Variants in CCNDBP1 observed in about 807,000 individuals in gnomAD.
CCNDBP1 encodes the protein cyclin D1 binding protein 1.
In CCNDBP1, 45 loss-of-function variants were observed where a neutral mutation model predicts 46.2. The ratio of observed to expected loss-of-function variants is 0.97; its 90% confidence interval spans 0.77 to 1.25. The LOEUF (loss-of-function observed/expected upper bound fraction) is 1.25. Among genes scored for constraint, CCNDBP1 ranks in the 50% most tolerant of loss-of-function variants. CCNDBP1 has a pLI of 0.00. For synonymous variants in CCNDBP1, 154 were observed against 163.6 expected (o/e 0.94, Z 0.45); for missense variants, 436 against 442.1 (o/e 0.99, Z 0.12).
At chr15:43,194,366 CT>C in intron 9 of CCNDBP1, 48 bp from the exon 10 acceptor site, 1 of 1,470,302 alleles carries the variant, frequency 6.8e-7, no homozygotes, top group Non-Finnish European at 9.1e-7. Flanking sequence ...TTGAACTCAC[CT>C]TTTTATGGTA....
chr15:43,191,395 G>T lies in CCNDBP1; in HGVS notation c.580G>T (p.Ala194Ser). 1 of 1,553,084 alleles carries T rather than the reference G, an allele frequency of 6.4e-7. No individual in the cohort carries two copies. Residue 194 changes from alanine (A) to serine (S), a missense_variant and splice_region_variant, in exon 8 of 11, where the codon GCT becomes TCT. Physicochemically the swap from Ala to Ser is moderately conservative, Grantham distance 99. Coordinates refer to ENST00000300213, the MANE Select transcript of CCNDBP1 (RefSeq NM_012142.5). Reference sequence around the variant, plus strand: ...TCACATACATCATGGTATGTCTTAGGCTGTGGAAGAATGTGACCCTTACTC... The same window carrying T: ...TCACATACATCATGGTATGTCTTAGTCTGTGGAAGAATGTGACCCTTACTC... ...VKDAHEEMEQ[A>S]VEECDPYSGL...
In CCNDBP1 at chr15:43,190,158, A is replaced by G. The variant is rs2041925569; in HGVS notation, c.428+7A>G. 8 of 1,613,628 alleles carry G rather than the reference A, an allele frequency of 5.0e-6. No individual in the cohort carries two copies. Among genetic ancestry groups the G allele is most frequent in the Non-Finnish European group, 6.8e-6 (8 of 1,179,594 alleles). On this transcript the variant is annotated splice_region_variant and intron_variant, in intron 5 of 10. Coordinates refer to ENST00000300213, the MANE Select transcript of CCNDBP1 (RefSeq NM_012142.5). ...CCGTCACTCCAACTCAGAGGTAGTG[A>G]TGCCACAGTTTAGGTTACCAGTTAT...
intron 6 of CCNDBP1, 69 bp from the exon 7 acceptor site, chr15:43,190,897 T>C: frequency 8.1e-7 from 1 of 1,238,066 alleles, no homozygotes; most frequent in South Asian, 1.2e-5. Context: ...ATGTGATTGT[T>C]CCTTGCAGTC....
Position 43,195,346 on chromosome 15 carries a change from A to G in CCNDBP1, c.*505A>G, listed in dbSNP as rs1269362820. 1 of 152,326 alleles carries G rather than the reference A, an allele frequency of 6.6e-6. No homozygotes were observed. Among genetic ancestry groups the G allele is most frequent in the Non-Finnish European group, 1.5e-5 (1 of 68,130 alleles). The allele number at this position is 152,326 out of a possible 1,614,324, so 9.4% of individuals were successfully genotyped here. ...CACTTTATTTATAAAAGATGACTCCAAAATTCATCTTAGTATTTCACCATG... is the reference window on the plus strand; with the variant it reads ...CACTTTATTTATAAAAGATGACTCCGAAATTCATCTTAGTATTTCACCATG... On this transcript the variant is annotated 3_prime_UTR_variant, in exon 11 of 11. Transcript: ENST00000300213.
intron 7 of CCNDBP1, 33 bp from the exon 8 acceptor site, chr15:43,191,362 T>TGA: frequency 7.3e-7 from 1 of 1,369,068 alleles, no homozygotes; most frequent in Admixed American, 2.5e-5. Flanking sequence ...TTTTTTTTTT[T>TGA]TTTGCATTCA....
chr15:43,185,797 C>A, intron 1 of CCNDBP1, 23 bp from the exon 2 acceptor site: 1 of 1,607,948 alleles, frequency 6.2e-7, no homozygotes. Context: ...CACCGTTCGG[C>A]CCCCACACGC....
chr15:43,185,808 C>T lies in CCNDBP1; in HGVS notation c.110-12C>T. 6.2e-7 allele frequency: 1 copy of T among 1,610,058 alleles called. No individual in the cohort carries two copies. ...TCGCCACCGTTCGGCCCCCACACGC[C>T]ACACCCACAAGTCGGCGAAGCCCAG... On this transcript the variant is annotated splice_polypyrimidine_tract_variant and intron_variant, in intron 1 of 10. Transcript: ENST00000300213.
intron 3 of CCNDBP1, among the ~76,000 whole-genome samples, 175 bp downstream of exon 3, chr15:43,186,408 C>G (rs532893350): frequency 6.6e-6 from 1 of 152,336 alleles, no homozygotes; most frequent in African/African-American, 2.4e-5. Flanking sequence ...AAGTGCAGTT[C>G]CTGGCGCGGA....
In CCNDBP1 at chr15:43,194,871, C is replaced by A; in HGVS notation, c.*30C>A. 2 of 1,363,472 alleles carry A rather than the reference C, an allele frequency of 1.5e-6. No individual in the cohort carries two copies. The highest frequency in any genetic ancestry group is 2.1e-6 in the Non-Finnish European group (2 of 952,702). The allele number at this position is 1,363,472 out of a possible 1,614,324, so 84.5% of individuals were successfully genotyped here. On this transcript the variant is annotated 3_prime_UTR_variant, in exon 11 of 11. Transcript: ENST00000300213. ...TCAGGCTCATTTGTACTCTCTTCCCCTCTCATCGTCATGGTCAGGCTCTGA... is the reference window on the plus strand; with the variant it reads ...TCAGGCTCATTTGTACTCTCTTCCCATCTCATCGTCATGGTCAGGCTCTGA...
Position 43,186,187 on chromosome 15 carries a change from C to T in CCNDBP1, c.203C>T (p.Thr68Met), listed in dbSNP as rs767075145. Residue 68 changes from threonine (T) to methionine (M), a missense_variant, in exon 3 of 11, where the codon ACG becomes ATG. Thr to Met is a moderately conservative substitution (Grantham distance 81, BLOSUM62 -1). Transcript: ENST00000300213. ...GCTGTGACTGTGTCAAGGGAAGCCA[C>T]GACTCTGACCATAGTCTTCTCTCAG... ...EAAVTVSREA[T>M]TLTIVFSQLP... 4 of 1,614,140 alleles carry T rather than the reference C, an allele frequency of 2.5e-6. No individual in the cohort carries two copies. Among genetic ancestry groups the T allele is most frequent in the Non-Finnish European group, 3.4e-6 (4 of 1,179,986 alleles).
chr15:43,190,430 C>CTGG (rs1206287955), intron 6 of CCNDBP1, 32 bp downstream of exon 6: 1 of 1,582,384 alleles, frequency 6.3e-7, no homozygotes, highest in African/African-American at 1.3e-5. Context: ...GCCATGTCTG[C>CTGG]TGGCCAAAGC....
chr15:43,186,171 G>C lies in CCNDBP1; in HGVS notation c.187G>C (p.Val63Leu), dbSNP rs200770599. 2.1e-4 allele frequency: 344 copies of C among 1,613,942 alleles called. No homozygotes were observed. The highest frequency in any genetic ancestry group is 2.8e-4 in the Non-Finnish European group (334 of 1,179,982). The change falls in exon 3 of 11, where the codon GTG (valine) becomes CTG (leucine). Residue 63 changes from valine to leucine, a missense_variant. Val to Leu is a conservative substitution (Grantham distance 32). Coordinates refer to ENST00000300213, the MANE Select transcript of CCNDBP1 (RefSeq NM_012142.5). ...WRRLNEAAVT[V>L]SREATTLTIV... is the part of the protein sequence containing the mutation. Reference sequence around the variant, plus strand: ...CCCCCCAGATGAGGCAGCTGTGACTGTGTCAAGGGAAGCCACGACTCTGAC... The same window carrying C: ...CCCCCCAGATGAGGCAGCTGTGACTCTGTCAAGGGAAGCCACGACTCTGAC...
At position 43,194,833 on chromosome 15, in the gene CCNDBP1, G is replaced by T. The variant is rs1447411623; in HGVS notation, c.1075G>T (p.Glu359Ter). 18 of 1,600,462 alleles carry T rather than the reference G, an allele frequency of 1.1e-5. No homozygotes were observed. Among genetic ancestry groups the T allele is most frequent in the Admixed American group, 1.0e-4 (6 of 59,918 alleles). ...RIKELTQSELEL is the reference protein window; with the variant it reads ...RIKELTQSEL ...CAAGGAGCTCACTCAGAGTGAACTT[G>T]AATTATGACTTTTCAGGCTCATTTG... The change falls in exon 11 of 11, where the codon GAA (glutamate) becomes TAA (stop). Residue 359 changes from glutamate (E) to a stop codon, truncating the protein, a stop_gained. Coordinates refer to ENST00000300213, the MANE Select transcript of CCNDBP1 (RefSeq NM_012142.5). LOFTEE classifies it high-confidence loss of function.
At chr15:43,187,095 A>G (rs756569482) in intron 3 of CCNDBP1, among the ~76,000 whole-genome samples, 7 of 152,194 alleles carry the variant, frequency 4.6e-5, no homozygotes, top group Non-Finnish European at 7.4e-5. Flanking sequence ...AGAGTTGTGT[A>G]TGCTTAATAT....
chr15:43,194,172 G>A (rs995404727), intron 9 of CCNDBP1: 3 of 331,560 alleles, frequency 9.0e-6, no homozygotes, highest in Non-Finnish European at 1.6e-5. Context: ...TTTTTAAATT[G>A]AAAATATTTT....
rs1197062418 is a variant in CCNDBP1, at chr15:43,189,300, C to G, written c.331+20C>G. 1.4e-6 allele frequency: 2 copies of G among 1,454,312 alleles called. No individual in the cohort carries two copies. The highest frequency in any genetic ancestry group is 9.6e-7 in the Non-Finnish European group (1 of 1,047,086). 90.1% of individuals were successfully genotyped at this position (1,454,312 alleles called of 1,614,324 possible). ...ATCAGGGTAAGCCACATAAGTGTTG[C>G]ATTTATCGTGTAGATCTTTGCTAAT... is the stretch of plus-strand genomic sequence containing the variant. On this transcript the variant is annotated intron_variant, in intron 4 of 10. Transcript: ENST00000300213.
Position 43,196,920 on chromosome 15 carries a change from T to C in CCNDBP1, c.*2079T>C, listed in dbSNP as rs1040016440. The C allele has an allele frequency of 1.9e-5, 6 of 318,542 alleles. No individual in the cohort carries two copies. Among genetic ancestry groups the C allele is most frequent in the Non-Finnish European group, 2.4e-5 (4 of 163,278 alleles). 19.7% of individuals were successfully genotyped at this position (318,542 alleles called of 1,614,324 possible). ...TAATGGGAGGTGTTTGGATCCCTCA[T>C]GAATGGCTTCGTTCCATTGGTGGGG... On this transcript the variant is annotated 3_prime_UTR_variant, in exon 11 of 11. Coordinates refer to ENST00000300213, the MANE Select transcript of CCNDBP1 (RefSeq NM_012142.5).
At chr15:43,188,316 C>T (rs577958515) in intron 3 of CCNDBP1, 8 of 152,026 alleles carry the variant, frequency 5.3e-5, no homozygotes, top group South Asian at 2.1e-4. Context: ...GTTACATATT[C>T]TGATTCTGTT....
intron 3 of CCNDBP1, among the ~76,000 whole-genome samples, chr15:43,187,592 G>A (rs1422643218): frequency 2.0e-5 from 3 of 152,030 alleles, no homozygotes; most frequent in Admixed American, 6.6e-5. Flanking sequence ...TTGTGATGAG[G>A]AAACAAGAGA....
Sources: allele counts gnomAD v4.1 joint callset (sites outside exome capture counted in the v4.1 genomes callset), GRCh38; gene constraint gnomAD v4.1.1; transcripts MANE v1.5; gene names NCBI Gene and HGNC (gene_info 2026-07-23, HGNC 2026-07-21).